SPOCD1: variants seen among roughly 807,000 people sequenced by gnomAD.
SPOCD1 encodes SPOC domain-containing protein 1.
A neutral mutation model predicts 92.2 loss-of-function variants in SPOCD1; 64 were observed. The observed-to-expected ratio is 0.69, with a 90% CI of 0.57 to 0.86. The LOEUF is 0.86. Ranked by LOEUF, SPOCD1 falls within the 40% of genes least tolerant of loss-of-function variation. SPOCD1 has a pLI of 0.00. For missense variants in SPOCD1, 1,360 were observed against 1,543.1 expected (o/e 0.88, Z 1.99); for synonymous variants, 578 against 619.3 (o/e 0.93, Z 0.99).
intron 14 of SPOCD1, 118 bp from the exon 15 acceptor site, chr1:31,792,519 G>A: frequency 7.9e-7 from 1 of 1,269,228 alleles, no homozygotes; most frequent in Non-Finnish European, 1.1e-6. Flanking sequence ...ATCTTCCAGA[G>A]GAGGAAACAG....
rs867004889 is a variant in SPOCD1, at chr1:31,796,592, C to T, written c.2269G>A (p.Val757Met). The T allele has an allele frequency of 6.2e-7, 1 of 1,614,282 alleles. No homozygotes were observed. Among genetic ancestry groups the T allele is most frequent in the Non-Finnish European group, 8.5e-7 (1 of 1,180,050 alleles). ...MDQTLTLEDLVGPQMFMDCSP... is the reference protein window; with the variant it reads ...MDQTLTLEDLMGPQMFMDCSP... ...ACCAGGTCAGGCTCCAACTTAACCA[C>T]CAGATCCTCCAGGGTCAGTGTCTGG... Residue 757 changes from valine (V) to methionine (M), a missense_variant and splice_region_variant, in exon 10 of 16, where the codon GTG becomes ATG. Val to Met is a conservative substitution (Grantham distance 21, BLOSUM62 1). Around this residue, in one of 3 missense-constraint regions of SPOCD1, gnomAD observed 614 missense variants for 757.8 expected, o/e 0.81. Coordinates refer to ENST00000360482, the MANE Select transcript of SPOCD1 (RefSeq NM_144569.7).
intron 11 of SPOCD1, 22 bp from the exon 12 acceptor site, chr1:31,793,919 G>C: frequency 6.2e-7 from 1 of 1,600,578 alleles, no homozygotes; most frequent in Non-Finnish European, 8.5e-7. Context: ...AGAGGCAGGA[G>C]CTGAAACAGG....
At chr1:31,794,586 G>C (rs931611351) in intron 10 of SPOCD1, 1 of 158,016 alleles carries the variant, frequency 6.3e-6, no homozygotes, top group African/African-American at 2.5e-5. Context: ...GCTCGATCTC[G>C]GCTCACTGCA....
chr1:31,791,079 G>A lies in SPOCD1; in HGVS notation c.3175C>T (p.Leu1059=), dbSNP rs1392038606. ...CCTCCTGGGGGAGGGGTGCCCTTCAGGGGCACATTCGGCCTCCTGTCATCT... is the reference window on the plus strand; with the variant it reads ...CCTCCTGGGGGAGGGGTGCCCTTCAAGGGCACATTCGGCCTCCTGTCATCT... The part of the protein sequence containing the change: ...QPDDRRPNVP[L]KGTPPPGGAW... Residue 1059 remains leucine (L), a synonymous_variant, in exon 16 of 16, where the codon CTG becomes TTG. Transcript: ENST00000360482. 1 of 1,613,030 alleles carries A rather than the reference G, an allele frequency of 6.2e-7. No individual in the cohort carries two copies. Among genetic ancestry groups the A allele is most frequent in the South Asian group, 1.1e-5 (1 of 91,000 alleles).
rs531896214 is a variant in SPOCD1, at chr1:31,814,149, G to A, written c.1185C>T (p.Gly395=). Residue 395 remains glycine (G), a synonymous_variant, in exon 2 of 16, where the codon GGC becomes GGT. Coordinates refer to ENST00000360482, the MANE Select transcript of SPOCD1 (RefSeq NM_144569.7). This position sits in a 1 kb window ranked among gnomAD's most constrained non-coding sequence, Gnocchi z 4.2. The part of the protein sequence containing the change: ...DTCASSREPL[G]GLSSSLDTEA... ...CAGTATCCAGGGAGGAGCTGAGGCC[G>A]CCCAAGGGCTCCCGGGAGCTGGCAC... The A allele has an allele frequency of 2.6e-5, 41 of 1,585,410 alleles. 1 individual carries two copies. The East Asian group carries it at 5.2e-4, about 20-fold the overall frequency.
chr1:31,813,884 C>T, intron 2 of SPOCD1, 67 bp downstream of exon 2: 1 of 1,353,090 alleles, frequency 7.4e-7, no homozygotes, highest in Non-Finnish European at 9.7e-7. Flanking sequence ...TTAAATTCCA[C>T]TGCCAAGTAT....
chr1:31,798,424 G>A lies in SPOCD1; in HGVS notation c.2028+18C>T. ...AGATTCAGAGAGGGGACGCAGCCCAGCCCAAAGCCCTGCTCACCAGGTTCC... is the reference window on the plus strand; with the variant it reads ...AGATTCAGAGAGGGGACGCAGCCCAACCCAAAGCCCTGCTCACCAGGTTCC... On this transcript the variant is annotated intron_variant, in intron 8 of 15. Transcript: ENST00000360482. The surrounding 1 kb of genome is among the most constrained non-coding windows in gnomAD (Gnocchi z 4.1). 6.3e-7 allele frequency: 1 copy of A among 1,599,666 alleles called. No homozygotes were observed. Among genetic ancestry groups the A allele is most frequent in the Non-Finnish European group, 8.5e-7 (1 of 1,171,976 alleles).
rs1648192402 is a variant in SPOCD1, at chr1:31,798,528, G to C, written c.1942C>G (p.Leu648Val). The C allele has an allele frequency of 7.4e-6, 12 of 1,613,908 alleles. No homozygotes were observed. Among genetic ancestry groups the C allele is most frequent in the Non-Finnish European group, 9.3e-6 (11 of 1,180,032 alleles). Reference protein sequence around the residue: ...EGIAAGIEAALWDLTQGTNGR... With the variant: ...EGIAAGIEAAVWDLTQGTNGR... Reference sequence around the variant, plus strand: ...TTGGTGCCTTGTGTCAGGTCCCAGAGGGCTGCCTCAATGCCAGCAGCAATG... The same window carrying C: ...TTGGTGCCTTGTGTCAGGTCCCAGACGGCTGCCTCAATGCCAGCAGCAATG... Residue 648 changes from leucine (L) to valine (V), a missense_variant, in exon 8 of 16, where the codon CTC becomes GTC. Leu to Val is a conservative substitution (Grantham distance 32). Around this residue, in one of 3 missense-constraint regions of SPOCD1, gnomAD observed 614 missense variants for 757.8 expected, o/e 0.81. Coordinates refer to ENST00000360482, the MANE Select transcript of SPOCD1 (RefSeq NM_144569.7). The surrounding 1 kb of genome is among the most constrained non-coding windows in gnomAD (Gnocchi z 4.1).
intron 2 of SPOCD1, among the ~76,000 whole-genome samples, chr1:31,805,076 G>C (rs1176606442): frequency 6.9e-6 from 1 of 145,252 alleles, no homozygotes; most frequent in Non-Finnish European, 1.5e-5. Flanking sequence ...CCACTTCCCG[G>C]GTTCAAGCGA....
intron 2 of SPOCD1, among the ~76,000 whole-genome samples, chr1:31,806,988 G>A (rs370644916): frequency 1.3e-5 from 2 of 152,148 alleles, no homozygotes; most frequent in African/African-American, 2.4e-5. Flanking sequence ...GCGGCCAGTG[G>A]CTATCAGACT....
rs931839251 is a variant in SPOCD1, at chr1:31,800,203, C to T, written c.1603-62G>A. ...TGGAGGCCAGGGACTGTTCCCTCCCCAGATGTACTGGAGGCCCAGCCCCTC... is the reference window on the plus strand; with the variant it reads ...TGGAGGCCAGGGACTGTTCCCTCCCTAGATGTACTGGAGGCCCAGCCCCTC... On this transcript the variant is annotated intron_variant, in intron 4 of 15. Transcript: ENST00000360482. The T allele has an allele frequency of 7.1e-5, 109 of 1,526,134 alleles. No individual in the cohort carries two copies. In the South Asian group the frequency reaches 1.3e-3, roughly 18 times the overall value. The allele number at this position is 1,526,134 out of a possible 1,614,324, so 94.5% of individuals were successfully genotyped here.
At chr1:31,794,015 C>T in intron 11 of SPOCD1, 109 bp downstream of exon 11, 1 of 1,504,400 alleles carries the variant, frequency 6.6e-7, no homozygotes, top group Non-Finnish European at 9.1e-7. Flanking sequence ...GCACGGGCAC[C>T]CCTGCTCTGC....
At chr1:31,811,365 G>A (rs1373012638) in intron 2 of SPOCD1, among the ~76,000 whole-genome samples, 1 of 151,854 alleles carries the variant, frequency 6.6e-6, no homozygotes, top group East Asian at 1.9e-4. Context: ...CAGCTACTCA[G>A]GAGAATCCCT....
At chr1:31,805,526 G>A (rs1319767070) in intron 2 of SPOCD1, among the ~76,000 whole-genome samples, 1 of 152,098 alleles carries the variant, frequency 6.6e-6, no homozygotes, top group Non-Finnish European at 1.5e-5. Flanking sequence ...AGGAATTCGA[G>A]ACCAGCCTGG....
At position 31,790,526 on chromosome 1, in the gene SPOCD1, G is replaced by A; in HGVS notation, c.*77C>T. Reference sequence around the variant, plus strand: ...GGGTAGGGCTGACCATCCTCTCCTTGCAGTCCCACCTCTCTCTGGAACAGG... The same window carrying A: ...GGGTAGGGCTGACCATCCTCTCCTTACAGTCCCACCTCTCTCTGGAACAGG... On this transcript the variant is annotated 3_prime_UTR_variant, in exon 16 of 16. Coordinates refer to ENST00000360482, the MANE Select transcript of SPOCD1 (RefSeq NM_144569.7). The A allele has an allele frequency of 1.5e-6, 2 of 1,324,216 alleles. No homozygotes were observed. The highest frequency in any genetic ancestry group is 1.0e-6 in the Non-Finnish European group (1 of 962,780). The allele number at this position is 1,324,216 out of a possible 1,614,324, so 82.0% of individuals were successfully genotyped here.
intron 6 of SPOCD1, 80 bp downstream of exon 6, chr1:31,799,729 G>C: frequency 6.6e-7 from 1 of 1,521,378 alleles, no homozygotes; most frequent in Non-Finnish European, 9.1e-7. Context: ...GCAGGGGCTG[G>C]GCCCAGGAGC....
intron 2 of SPOCD1, among the ~76,000 whole-genome samples, chr1:31,808,603 G>A (rs1365731620): frequency 4.0e-5 from 6 of 151,878 alleles, no homozygotes; most frequent in Non-Finnish European, 4.4e-5. Flanking sequence ...AAGGTGAAAC[G>A]ATGACCACAT....
At position 31,796,843 on chromosome 1, in the gene SPOCD1, C is replaced by T. The variant is rs551047021; in HGVS notation, c.2146-128G>A. On this transcript the variant is annotated intron_variant, in intron 9 of 15. Transcript: ENST00000360482. ...CCCCTCTCCTCAAAACTTTTACTTC[C>T]GCCATACCCCTCCTCTGGGAAGCCC... is the stretch of plus-strand genomic sequence containing the variant. 155 of 1,284,486 alleles carry T rather than the reference C, an allele frequency of 1.2e-4. No individual in the cohort carries two copies. The African/African-American group carries it at 1.8e-3, about 15-fold the overall frequency. The allele number at this position is 1,284,486 out of a possible 1,614,324, so 79.6% of individuals were successfully genotyped here.
Position 31,798,336 on chromosome 1 carries a change from G to A in SPOCD1, c.2029-13C>T. 6.2e-7 allele frequency: 1 copy of A among 1,608,170 alleles called. No homozygotes were observed. On this transcript the variant is annotated splice_polypyrimidine_tract_variant and intron_variant, in intron 8 of 15. Transcript: ENST00000360482. The surrounding 1 kb of genome is among the most constrained non-coding windows in gnomAD (Gnocchi z 4.1). ...TGAGAAACAAGTCCTGGTGGGGGCA[G>A]GGGGCAGGGCTGCACCACACGCTGA...
Sources: allele counts gnomAD v4.1 joint callset (sites outside exome capture counted in the v4.1 genomes callset), GRCh38; gene constraint gnomAD v4.1.1; regional missense constraint gnomAD v4.1.1; non-coding constraint Gnocchi (gnomAD v3.1); transcripts MANE v1.5; gene names NCBI Gene and HGNC (gene_info 2026-07-23, HGNC 2026-07-21).